PLD1: variants seen among roughly 807,000 people sequenced by gnomAD.
PLD1 encodes phospholipase D1.
In PLD1, 112 loss-of-function variants were observed where a neutral mutation model predicts 137.1. That is an observed-to-expected ratio of 0.82 (90% CI 0.70 to 0.96). The LOEUF is 0.96. PLD1 is among the 40% of genes least tolerant of loss of function. The pLI, the probability that PLD1 is intolerant of heterozygous loss-of-function variation, is 0.00. For synonymous variants in PLD1, 431 were observed against 454.7 expected, an observed-to-expected ratio of 0.95 and a Z score of 0.66; for missense variants, 1,321 against 1,342.0, an observed-to-expected ratio of 0.98 and a Z score of 0.24.
chr3:171,710,131 A>C (rs377430479), intron 9 of PLD1, among the ~76,000 whole-genome samples: 175 of 151,800 alleles, frequency 1.2e-3, no homozygotes, highest in African/African-American at 4.1e-3. Flanking sequence ...GGCGCGATCT[A>C]GGCTCACTGC....
At chr3:171,709,747 C>T (rs965412177) in intron 9 of PLD1, 38 bp from the exon 10 acceptor site, 1 of 1,582,442 alleles carries the variant, frequency 6.3e-7, no homozygotes, top group Admixed American at 1.7e-5. Context: ...AGACTGGTCA[C>T]TCTGTTCTAT....
At chr3:171,664,961 C>T (rs1711954116) in intron 19 of PLD1, among the ~76,000 whole-genome samples, 1 of 152,150 alleles carries the variant, frequency 6.6e-6, no homozygotes, top group African/African-American at 2.4e-5. Flanking sequence ...ATTCTATATA[C>T]AGTATGTCCA....
At chr3:171,641,206 A>C (rs542872948) in intron 23 of PLD1, among the ~76,000 whole-genome samples, 1 of 152,316 alleles carries the variant, frequency 6.6e-6, no homozygotes, top group South Asian at 2.1e-4. Context: ...GGTATATGGC[A>C]AGTTAAAATG....
In PLD1 at chr3:171,640,846, T is replaced by C. The variant is rs147118008; in HGVS notation, c.2593+1994A>G. 5.8e-3 allele frequency among the ~76,000 whole-genome samples: 888 copies of C among 152,356 alleles called. 5 individuals are homozygous for C. The highest frequency in any genetic ancestry group is 0.021 in the African/African-American group (854 of 41,592). On this transcript the variant is annotated intron_variant, in intron 23 of 26. Transcript: ENST00000351298. ...CTAGGGGATCTCCTTCCTCAGCTTA[T>C]CCTCTTAAGATTTTTAGTCAGCTTC...
chr3:171,761,690 G>GT (rs1721406522), intron 1 of PLD1, among the ~76,000 whole-genome samples: 1 of 152,168 alleles, frequency 6.6e-6, no homozygotes, highest in Non-Finnish European at 1.5e-5. Context: ...TAGGCACGTG[G>GT]TAAGTCCTGA....
chr3:171,722,035 ATCATTT>A (rs1469872084), intron 8 of PLD1, among the ~76,000 whole-genome samples: 1 of 152,170 alleles, frequency 6.6e-6, no homozygotes, highest in African/African-American at 2.4e-5. Context: ...AAACACATTT[ATCATTT>A]TCAATTTGGG....
At position 171,801,253 on chromosome 3, in the gene PLD1, C is replaced by T. The variant is rs546389124; in HGVS notation, c.-32+9146G>A. ...GCTTGATAAATTCTTCAACACCATC[C>T]TGAAGAGGGGCTATTGCAAATACAG... On this transcript the variant is annotated intron_variant, in intron 1 of 26. Coordinates refer to ENST00000351298, the MANE Select transcript of PLD1 (RefSeq NM_002662.5). 3.3e-5 allele frequency among the ~76,000 whole-genome samples: 5 copies of T among 152,314 alleles called. No individual in the cohort carries two copies. The South Asian group carries it at 8.3e-4, about 25-fold the overall frequency.
At chr3:171,768,857 A>C (rs1722157893) in intron 1 of PLD1, among the ~76,000 whole-genome samples, 2 of 152,232 alleles carry the variant, frequency 1.3e-5, no homozygotes, top group Admixed American at 6.5e-5. Context: ...ATAAAAATTA[A>C]TTAGCACAAA....
intron 8 of PLD1, among the ~76,000 whole-genome samples, chr3:171,718,575 G>T (rs1490163359): frequency 1.3e-5 from 2 of 152,138 alleles, no homozygotes; most frequent in East Asian, 3.8e-4. Flanking sequence ...ATCTCAACAA[G>T]ATTTTGCTTT....
chr3:171,609,289 A>T (rs113741318), intron 25 of PLD1, among the ~76,000 whole-genome samples: 1 of 152,070 alleles, frequency 6.6e-6, no homozygotes, highest in African/African-American at 2.4e-5. Context: ...ACTGTTGGTG[A>T]TAACAGAAAT....
chr3:171,647,756 G>A (rs1369726964), intron 21 of PLD1, among the ~76,000 whole-genome samples: 2 of 152,060 alleles, frequency 1.3e-5, no homozygotes, highest in South Asian at 2.1e-4. Context: ...CCATTTTTAA[G>A]TGTACAGTTC....
At chr3:171,724,454 CT>C (rs1438601598) in intron 8 of PLD1, among the ~76,000 whole-genome samples, 1 of 152,178 alleles carries the variant, frequency 6.6e-6, no homozygotes, top group African/African-American at 2.4e-5. Flanking sequence ...TCTTCTTTGG[CT>C]GGCCAATTTG....
rs1030301150 is a variant in PLD1, at chr3:171,689,214, A to T, written c.1339-338T>A. Among the ~76,000 whole-genome samples the T allele has an allele frequency of 4.8e-4, 72 of 150,578 alleles. 1 individual carries two copies. Among genetic ancestry groups the T allele is most frequent in the African/African-American group, 1.4e-3 (57 of 41,144 alleles). ...TAAGGATTATGTTAAATCTGGTACT[A>T]AAAAAAAAGCTAAAAATATTTAACT... On this transcript the variant is annotated intron_variant, in intron 13 of 26. Coordinates refer to ENST00000351298, the MANE Select transcript of PLD1 (RefSeq NM_002662.5).
chr3:171,645,883 C>CAAAAAAAAAAAAA (rs1162718346), intron 21 of PLD1, among the ~76,000 whole-genome samples: 1 of 59,204 alleles, frequency 1.7e-5, no homozygotes, highest in Admixed American at 2.1e-4. Flanking sequence ...GACTCCATCT[C>CAAAAAAAAAAAAA]AAAAAAAAAA....
At chr3:171,789,292 T>C (rs1471556995) in intron 1 of PLD1, 1 of 152,238 alleles carries the variant, frequency 6.6e-6, no homozygotes, top group African/African-American at 2.4e-5. Flanking sequence ...TGTATGTACA[T>C]TGCAAGGCTG....
At position 171,724,739 on chromosome 3, in the gene PLD1, T is replaced by C. The variant is rs572883180; in HGVS notation, c.715A>G (p.Asn239Asp). ...RSGGHRIPGLNCCGQGRACYR... is the reference protein window; with the variant it reads ...RSGGHRIPGLDCCGQGRACYR... The stretch of plus-strand genomic sequence containing the variant: ...CAGGCTCTTCCCTGACCACAGCAAT[T>C]CAAGCCTGGTATTCTGTGTCCTCCA... Residue 239 changes from asparagine (N) to aspartate (D), a missense_variant, in exon 8 of 27, where the codon AAT becomes GAT. Physicochemically the swap from Asn to Asp is conservative, Grantham distance 23. Coordinates refer to ENST00000351298, the MANE Select transcript of PLD1 (RefSeq NM_002662.5). 31 of 1,611,610 alleles carry C rather than the reference T, an allele frequency of 1.9e-5. No homozygotes were observed. The East Asian group carries it at 6.2e-4, about 32-fold the overall frequency.
intron 22 of PLD1, chr3:171,643,180 C>A: frequency 3.5e-6 from 1 of 285,116 alleles, no homozygotes; most frequent in Non-Finnish European, 6.5e-6. Flanking sequence ...ATGAACTTTC[C>A]CTCTTACAAA....
chr3:171,705,821 A>G (rs898624021), intron 11 of PLD1, among the ~76,000 whole-genome samples: 1 of 152,218 alleles, frequency 6.6e-6, no homozygotes, highest in Non-Finnish European at 1.5e-5. Context: ...TGGTAAATTA[A>G]ATCTATCTTC....
At chr3:171,705,569 G>T (rs1716615875) in intron 11 of PLD1, among the ~76,000 whole-genome samples, 1 of 152,140 alleles carries the variant, frequency 6.6e-6, no homozygotes. Context: ...AAAGGGAAAA[G>T]ATTTGAACAG....
Sources: gnomAD v4.1 joint callset for allele counts (sites outside exome capture counted in the v4.1 genomes callset) on GRCh38, gnomAD v4.1.1 for gene constraint, MANE v1.5 for transcripts, NCBI Gene and HGNC (gene_info 2026-07-23, HGNC 2026-07-21) for gene names.